Variants in RNF32 observed in about 807,000 individuals in gnomAD.
RNF32 encodes the protein ring finger protein 32.
In RNF32, 36 loss-of-function variants were observed where a neutral mutation model predicts 41.0. The ratio of observed to expected loss-of-function variants is 0.88; its 90% CI spans 0.67 to 1.16. RNF32 has a LOEUF of 1.16. Among genes scored for constraint, RNF32 ranks in the 50% most tolerant of loss-of-function variants. The pLI, the probability that RNF32 is intolerant of heterozygous loss-of-function variation, is 0.00. For missense variants in RNF32, 413 were observed against 436.7 expected (o/e 0.95, Z 0.48); for synonymous variants, 154 against 160.9 (o/e 0.96, Z 0.32).
At chr7:156,640,695 C>G (rs1797160834), upstream of RNF32, 1 of 291,322 alleles carries the variant, frequency 3.4e-6, no homozygotes, top group East Asian at 1.6e-4. Flanking sequence ...GGTGAGCAAG[C>G]CCGCGGGGAG....
intron 1 of RNF32, among the ~76,000 whole-genome samples, chr7:156,643,574 T>C (rs1181741563): frequency 6.6e-6 from 1 of 152,236 alleles, no homozygotes; most frequent in African/African-American, 2.4e-5. Flanking sequence ...TATTAATGTG[T>C]CCTCAGGAGC....
Position 156,675,681 on chromosome 7 carries a change from C to CCTTCGGGT in RNF32, c.685-14_685-13insTTCGGGTC. On this transcript the variant is annotated splice_polypyrimidine_tract_variant and intron_variant, in intron 7 of 8. Coordinates refer to ENST00000317955, the MANE Select transcript of RNF32 (RefSeq NM_030936.4). ...AGCTCAGGTGTGAGCTTACCCGCCC[C>CCTTCGGGT]CGCCTCCTCCTCAGTTCACAGAAAT... The CCTTCGGGT allele has an allele frequency of 6.2e-7, 1 of 1,600,766 alleles. No individual in the cohort carries two copies. The highest frequency in any genetic ancestry group is 8.6e-7 in the Non-Finnish European group (1 of 1,168,248).
upstream of RNF32, chr7:156,640,360 T>C: frequency 2.2e-6 from 1 of 444,918 alleles, no homozygotes. Flanking sequence ...GGAGCGTGGC[T>C]GCGCCCACAA....
At chr7:156,651,467 G>T (rs1798732150) in intron 3 of RNF32, among the ~76,000 whole-genome samples, 1 of 152,086 alleles carries the variant, frequency 6.6e-6, no homozygotes, top group Admixed American at 6.6e-5. Context: ...ACCCACCTCG[G>T]CCTCCCAAAG....
chr7:156,658,330 G>A, intron 6 of RNF32, 78 bp downstream of exon 6: 1 of 1,585,164 alleles, frequency 6.3e-7, no homozygotes. Flanking sequence ...TGAATAGTGG[G>A]ATTTTATCTC....
intron 7 of RNF32, among the ~76,000 whole-genome samples, chr7:156,661,322 A>ATTT (rs112482414): frequency 2.8e-5 from 4 of 144,212 alleles, no homozygotes; most frequent in Non-Finnish European, 3.0e-5. Context: ...GGGCCTTAGG[A>ATTT]TTTTTTTTTT....
At chr7:156,660,129 C>T (rs1800403332) in intron 7 of RNF32, 4 of 985,694 alleles carry the variant, frequency 4.1e-6, no homozygotes, top group South Asian at 4.7e-5. Flanking sequence ...CGGAACGCCC[C>T]GCTCTGATCC....
intron 3 of RNF32, among the ~76,000 whole-genome samples, chr7:156,645,391 T>C (rs539120364): frequency 2.0e-5 from 3 of 152,212 alleles, no homozygotes; most frequent in Non-Finnish European, 4.4e-5. Flanking sequence ...CTTACCAAAA[T>C]GTATATCTGA....
chr7:156,660,677 A>G (rs996621915), intron 7 of RNF32, among the ~76,000 whole-genome samples: 2 of 152,214 alleles, frequency 1.3e-5, no homozygotes, highest in Middle Eastern at 3.2e-3. Flanking sequence ...CTCAACCACA[A>G]TAAGAAATAT....
intron 3 of RNF32, among the ~76,000 whole-genome samples, chr7:156,650,336 C>T (rs765026289): frequency 2.6e-5 from 4 of 152,280 alleles, no homozygotes; most frequent in South Asian, 2.1e-4. Context: ...TCACCTGAGA[C>T]GGTCACATGC....
chr7:156,655,159 T>C (rs1379507633), intron 4 of RNF32, among the ~76,000 whole-genome samples: 1 of 152,150 alleles, frequency 6.6e-6, no homozygotes, highest in Admixed American at 6.5e-5. Flanking sequence ...TAAAATCTTT[T>C]AATGATTTTT....
chr7:156,654,904 GT>G (rs2131453435), intron 4 of RNF32, 186 bp downstream of exon 4: 1 of 508,590 alleles, frequency 2.0e-6, no homozygotes, highest in Non-Finnish European at 3.5e-6. Context: ...TCATTAAATA[GT>G]TTTGTTTGTT....
chr7:156,676,637 G>T lies in RNF32; in HGVS notation c.1071G>T (p.Lys357Asn), dbSNP rs974655078. ...CTCTCTGCCGCTCCTGCTACCAGAA[G>T]AAGATTCTTGAATGTTGAATTCATA... ...ACPLCRSCYQ[K>N]KILEC is the part of the protein sequence containing the mutation. Residue 357 changes from lysine (K) to asparagine (N), a missense_variant, in exon 9 of 9, where the codon AAG (lysine) becomes AAT (asparagine). Physicochemically the swap from Lys to Asn is moderately conservative, Grantham distance 94. Transcript: ENST00000317955. 3 of 1,613,546 alleles carry T rather than the reference G, an allele frequency of 1.9e-6. No individual in the cohort carries two copies. Among genetic ancestry groups the T allele is most frequent in the Non-Finnish European group, 2.5e-6 (3 of 1,179,484 alleles).
At chr7:156,663,770 GA>G (rs1200005921) in intron 7 of RNF32, among the ~76,000 whole-genome samples, 56 of 152,138 alleles carry the variant, frequency 3.7e-4, no homozygotes, top group Admixed American at 3.7e-3. Flanking sequence ...CAGCATACAG[GA>G]AATTTTAGTG....
chr7:156,651,075 G>C (rs1214895159), intron 3 of RNF32, among the ~76,000 whole-genome samples: 3 of 151,994 alleles, frequency 2.0e-5, no homozygotes, highest in Admixed American at 2.0e-4. Context: ...AAGATCCATG[G>C]GCATAGTTTT....
intron 7 of RNF32, among the ~76,000 whole-genome samples, chr7:156,673,919 A>AAAG (rs142719709): frequency 5.2e-4 from 78 of 150,178 alleles, no homozygotes; most frequent in African/African-American, 1.1e-3. Flanking sequence ...AAAAAAAAAA[A>AAAG]AAAGAAAAAG....
chr7:156,662,082 G>A (rs1054615481), intron 7 of RNF32, among the ~76,000 whole-genome samples: 4 of 152,204 alleles, frequency 2.6e-5, no homozygotes, highest in African/African-American at 9.7e-5. Context: ...AATAAATGAA[G>A]ATTGAACTTA....
chr7:156,658,744 C>T, intron 7 of RNF32, 174 bp downstream of exon 7: 3 of 813,246 alleles, frequency 3.7e-6, no homozygotes, highest in Non-Finnish European at 5.9e-6. Context: ...GCTTTCCAAC[C>T]TAGATGTTCA....
chr7:156,657,447 C>T (rs1799883913), intron 4 of RNF32, 94 bp from the exon 5 acceptor site: 4 of 1,218,074 alleles, frequency 3.3e-6, no homozygotes, highest in African/African-American at 1.5e-5. Context: ...AGAAATAATA[C>T]AGCTTACCTT....
Sources: allele counts gnomAD v4.1 joint callset (sites outside exome capture counted in the v4.1 genomes callset), GRCh38; gene constraint gnomAD v4.1.1; transcripts MANE v1.5; gene names NCBI Gene and HGNC (gene_info 2026-07-23, HGNC 2026-07-21).